ICE2: variants seen among roughly 807,000 people sequenced by gnomAD.
The protein encoded by ICE2 is little elongation complex subunit 2.
A neutral mutation model predicts 105.4 loss-of-function variants in ICE2; 87 were observed. The ratio of observed to expected loss-of-function variants is 0.83; its 90% CI spans 0.69 to 0.99. The LOEUF (loss-of-function observed/expected upper bound fraction) is 0.99. ICE2 is among the 50% of genes least tolerant of loss of function. The pLI is 0.00. For missense variants in ICE2, 1,323 were observed against 1,146.7 expected, an observed-to-expected ratio of 1.15 and a Z score of -2.22; for synonymous variants, 399 against 392.0, an observed-to-expected ratio of 1.02 and a Z score of -0.21.
Position 60,431,962 on chromosome 15 carries a change from G to T in ICE2, c.2533C>A (p.Leu845Ile). 1.4e-6 allele frequency: 2 copies of T among 1,413,342 alleles called. No individual in the cohort carries two copies. Among genetic ancestry groups the T allele is most frequent in the Non-Finnish European group, 2.0e-6 (2 of 1,014,104 alleles). 87.6% of individuals were successfully genotyped at this position (1,413,342 alleles called of 1,614,324 possible). A position where few individuals can be genotyped will look rare whatever the true frequency, so the allele number is the denominator to read the frequency against. The change falls in exon 14 of 16, where the codon CTC (leucine) becomes ATC (isoleucine). Residue 845 changes from leucine (L) to isoleucine (I), a missense_variant. Transcript: ENST00000261520. ...CTTAGTTTCTTTAGAATGTGTTGGAGGATGTTAAATAAATTGGAAATCCTG... is the reference window on the plus strand; with the variant it reads ...CTTAGTTTCTTTAGAATGTGTTGGATGATGTTAAATAAATTGGAAATCCTG... ...ALKISNLFNI[L>I]QHILKKLSSL... is the part of the protein sequence containing the mutation.
At chr15:60,453,932 G>T in intron 8 of ICE2, 148 bp from the exon 9 acceptor site, 1 of 618,184 alleles carries the variant, frequency 1.6e-6, no homozygotes, top group Non-Finnish European at 2.7e-6. Flanking sequence ...CCTTAGACTA[G>T]CAGATATTAA....
At chr15:60,433,098 T>A (rs184299319) in intron 13 of ICE2, among the ~76,000 whole-genome samples, 2,728 of 151,908 alleles carry the variant, frequency 0.018, 88 homozygotes, top group African/African-American at 0.058. Flanking sequence ...TTTTTTTTTT[T>A]TTTTGAGACA....
intron 11 of ICE2, chr15:60,445,724 T>C (rs2063807911): frequency 1.0e-6 from 1 of 985,050 alleles, no homozygotes; most frequent in Non-Finnish European, 1.2e-6. Context: ...TAAACTGGTA[T>C]CCAAAATTTC....
At position 60,466,695 on chromosome 15, in the gene ICE2, T is replaced by C; in HGVS notation, c.427A>G (p.Asn143Asp). ...TTTAGGAACTCAGTAACTTCTTCGTTCACATGTTTTTTCATATCCTGATTT... is the reference window on the plus strand; with the variant it reads ...TTTAGGAACTCAGTAACTTCTTCGTCCACATGTTTTTTCATATCCTGATTT... ...LQYLDMKKHV[N>D]EEVTEFLKFL... Residue 143 changes from asparagine (N) to aspartate (D), a missense_variant, in exon 5 of 16, where the codon AAC becomes GAC. Coordinates refer to ENST00000261520, the MANE Select transcript of ICE2 (RefSeq NM_024611.6). The C allele has an allele frequency of 6.2e-7, 1 of 1,605,286 alleles. No individual in the cohort carries two copies. The highest frequency in any genetic ancestry group is 8.5e-7 in the Non-Finnish European group (1 of 1,177,768).
intron 13 of ICE2, 25 bp downstream of exon 13, chr15:60,436,118 C>G: frequency 1.0e-6 from 1 of 1,001,674 alleles, no homozygotes; most frequent in Non-Finnish European, 1.5e-6. Context: ...TTTTTCAATT[C>G]TCACCACAAA....
chr15:60,468,768 A>G (rs1413921155), intron 3 of ICE2, among the ~76,000 whole-genome samples: 3 of 152,246 alleles, frequency 2.0e-5, no homozygotes, highest in Non-Finnish European at 4.4e-5. Context: ...GAGATTAACA[A>G]AATTCACTGA....
intron 11 of ICE2, among the ~76,000 whole-genome samples, chr15:60,444,788 G>A (rs1334302907): frequency 6.6e-6 from 1 of 152,062 alleles, no homozygotes; most frequent in Non-Finnish European, 1.5e-5. Flanking sequence ...GGGTTCAAGC[G>A]ATTCTCCTGC....
rs961111494 is a variant in ICE2 at position 60,427,664 on chromosome 15, G to A, written c.2820+765C>T. Among the ~76,000 whole-genome samples the A allele has an allele frequency of 2.0e-5, 3 of 152,260 alleles. No individual in the cohort carries two copies. The East Asian group carries it at 5.8e-4, about 29-fold the overall frequency. ...ACTGCTGACCTCAAATGATCCACCC[G>A]CCTTGGCCTCCCAAAGTCCTGGGAT... On this transcript the variant is annotated intron_variant, in intron 15 of 15. Coordinates refer to ENST00000261520, the MANE Select transcript of ICE2 (RefSeq NM_024611.6).
intron 11 of ICE2, among the ~76,000 whole-genome samples, chr15:60,445,271 T>C (rs941136307): frequency 5.3e-5 from 8 of 152,202 alleles, no homozygotes; most frequent in Non-Finnish European, 8.8e-5. Context: ...TTAGTTTAAA[T>C]AGTACCACTT....
chr15:60,450,996 G>T, intron 9 of ICE2: 1 of 205,018 alleles, frequency 4.9e-6, no homozygotes, highest in Non-Finnish European at 8.6e-6. Flanking sequence ...AGGAAGAATA[G>T]CAATGAAAGT....
chr15:60,478,406 A>C (rs1289715391), intron 1 of ICE2, among the ~76,000 whole-genome samples: 2 of 152,188 alleles, frequency 1.3e-5, no homozygotes, highest in African/African-American at 4.8e-5. Flanking sequence ...TGCCAAAATA[A>C]ATCTTTTGTT....
chr15:60,430,339 C>A (rs998406214), intron 14 of ICE2, among the ~76,000 whole-genome samples: 51 of 152,294 alleles, frequency 3.3e-4, no homozygotes, highest in African/African-American at 1.2e-3. Flanking sequence ...CTTCCCAGAG[C>A]CTACAGAAAG....
rs1207833552 is a variant in ICE2, at chr15:60,421,897, T to C, written c.*1737A>G. The C allele has an allele frequency of 1.3e-5, 2 of 152,126 alleles. No homozygotes were observed. The highest frequency in any genetic ancestry group is 2.9e-5 in the Non-Finnish European group (2 of 68,012). The allele number at this position is 152,126 out of a possible 1,614,324, so 9.4% of individuals were successfully genotyped here. The stretch of plus-strand genomic sequence containing the variant: ...AATGTTTTATAACAAAAAATCAAAA[T>C]GAAACAAAACTTGGTAGTTGAATAT... On this transcript the variant is annotated 3_prime_UTR_variant, in exon 16 of 16. Coordinates refer to ENST00000261520, the MANE Select transcript of ICE2 (RefSeq NM_024611.6).
chr15:60,466,631 T>C lies in ICE2; in HGVS notation c.491A>G (p.Tyr164Cys), dbSNP rs1190176577. Residue 164 changes from tyrosine (Y) to cysteine (C), a missense_variant, in exon 5 of 16, where the codon TAT becomes TGT. By Grantham distance (194) the Tyr-to-Cys change is radical (BLOSUM62 -2). Transcript: ENST00000261520. ...QNSAKKCAQDYNMLSDDARLF... is the reference protein window; with the variant it reads ...QNSAKKCAQDCNMLSDDARLF... Reference sequence around the variant, plus strand: ...ACGGGCATCATCAGAAAGCATATTATAATCCTGCGCACATTTCTTTGCAGA... The same window carrying C: ...ACGGGCATCATCAGAAAGCATATTACAATCCTGCGCACATTTCTTTGCAGA... 1.9e-6 allele frequency: 3 copies of C among 1,612,008 alleles called. No homozygotes were observed. The highest frequency in any genetic ancestry group is 3.3e-5 in the Admixed American group (2 of 59,860).
Position 60,449,173 on chromosome 15 carries a change from G to A in ICE2, c.1794C>T (p.Asn598=). ...SDGKTAVVGS[N]LSSRPASPNS... ...TTGGACTAGCTGGTCTGGAACTTAA[G>A]TTAGAACCCACAACAGCTGTCTTTC... The change falls in exon 10 of 16, where the codon AAC becomes AAT. Residue 598 remains asparagine, a synonymous_variant. Transcript: ENST00000261520. 1.2e-6 allele frequency: 2 copies of A among 1,614,046 alleles called. No individual in the cohort carries two copies. The highest frequency in any genetic ancestry group is 1.7e-6 in the Non-Finnish European group (2 of 1,179,918).
chr15:60,422,037 G>A lies in ICE2; in HGVS notation c.*1597C>T, dbSNP rs1009575814. On this transcript the variant is annotated 3_prime_UTR_variant, in exon 16 of 16. Coordinates refer to ENST00000261520, the MANE Select transcript of ICE2 (RefSeq NM_024611.6). ...AATAGCTAAAAAATTTCAATGTGAA[G>A]CAATTATCTAGGATTACAAAACTTA... 1 of 151,772 alleles carries A rather than the reference G, an allele frequency of 6.6e-6. No homozygotes were observed. The highest frequency in any genetic ancestry group is 1.5e-5 in the Non-Finnish European group (1 of 67,964). The allele number at this position is 151,772 out of a possible 1,614,324, so 9.4% of individuals were successfully genotyped here. A position where few individuals can be genotyped will look rare whatever the true frequency, so the allele number is the denominator to read the frequency against.
chr15:60,465,972 G>T (rs1422243381), intron 5 of ICE2, among the ~76,000 whole-genome samples: 6 of 151,830 alleles, frequency 4.0e-5, no homozygotes, highest in African/African-American at 1.5e-4. Context: ...GGCTGGTCTC[G>T]AACTCCTGAC....
intron 3 of ICE2, among the ~76,000 whole-genome samples, chr15:60,474,273 C>A (rs552100279): frequency 1.0e-3 from 157 of 152,078 alleles, no homozygotes; most frequent in Non-Finnish European, 1.2e-3. Context: ...ATCAAAAAAG[C>A]ACTTTTTTCT....
chr15:60,426,512 C>T (rs746426805), intron 15 of ICE2, among the ~76,000 whole-genome samples: 2 of 152,076 alleles, frequency 1.3e-5, no homozygotes, highest in Non-Finnish European at 2.9e-5. Flanking sequence ...GTATCCCTGT[C>T]GTTAAGTGAT....
Sources: allele counts gnomAD v4.1 joint callset (sites outside exome capture counted in the v4.1 genomes callset), GRCh38; gene constraint gnomAD v4.1.1; transcripts MANE v1.5; gene names NCBI Gene and HGNC (gene_info 2026-07-23, HGNC 2026-07-21).